Variants in KITLG observed in about 807,000 individuals in gnomAD.
KITLG encodes KIT ligand.
Under a neutral mutation model 34.1 loss-of-function variants are expected in KITLG, and 13 were observed. That is an observed-to-expected ratio of 0.38 (90% CI 0.25 to 0.61). KITLG has a LOEUF of 0.61. Ranked by LOEUF, KITLG falls within the 20% of genes least tolerant of loss-of-function variation. The pLI is 0.60. For missense variants in KITLG, 292 were observed against 318.9 expected (o/e 0.92, Z 0.64); for synonymous variants, 110 against 104.0 (o/e 1.06, Z -0.35).
chr12:88,542,120 G>A (rs181285894), intron 2 of KITLG, among the ~76,000 whole-genome samples: 41 of 152,058 alleles, frequency 2.7e-4, no homozygotes, highest in Admixed American at 2.6e-3. Flanking sequence ...TATTCCAAGA[G>A]GTGCAACCTG....
chr12:88,535,650 A>G (rs1359468969), intron 2 of KITLG, among the ~76,000 whole-genome samples: 1 of 152,196 alleles, frequency 6.6e-6, no homozygotes, highest in Non-Finnish European at 1.5e-5. Context: ...CAAGTTGTAG[A>G]TATTTGTGGT....
At chr12:88,517,952 A>G (rs1229754843) in intron 4 of KITLG, among the ~76,000 whole-genome samples, 4 of 152,140 alleles carry the variant, frequency 2.6e-5, no homozygotes, top group Non-Finnish European at 5.9e-5. Flanking sequence ...CTGTATACCA[A>G]ATCAGGTCTC....
At chr12:88,563,682 C>T (rs966660180) in intron 1 of KITLG, among the ~76,000 whole-genome samples, 7 of 152,124 alleles carry the variant, frequency 4.6e-5, no homozygotes, top group South Asian at 2.1e-4. Context: ...AAGATGTGGC[C>T]GGGCGCAGTG....
intron 9 of KITLG, among the ~76,000 whole-genome samples, chr12:88,503,132 A>T (rs1868928527): frequency 6.6e-6 from 1 of 152,220 alleles, no homozygotes. Flanking sequence ...GGACATGTTA[A>T]TCAAGAGTAT....
intron 2 of KITLG, among the ~76,000 whole-genome samples, chr12:88,540,482 G>C (rs1274554750): frequency 1.3e-5 from 2 of 152,058 alleles, no homozygotes; most frequent in East Asian, 3.9e-4. Flanking sequence ...TGGTGTCTGT[G>C]TACTCATAAC....
At chr12:88,557,960 C>T (rs1305927465) in intron 1 of KITLG, among the ~76,000 whole-genome samples, 1 of 152,160 alleles carries the variant, frequency 6.6e-6, no homozygotes, top group Admixed American at 6.5e-5. Flanking sequence ...AATTTATACT[C>T]TTTCAAATAC....
At chr12:88,552,353 T>G (rs1870948095) in intron 1 of KITLG, among the ~76,000 whole-genome samples, 1 of 151,240 alleles carries the variant, frequency 6.6e-6, no homozygotes, top group African/African-American at 2.4e-5. Context: ...TTCTTTTCTT[T>G]TTTTTTTTGT....
At chr12:88,531,541 ATAAT>A (rs993125484) in intron 3 of KITLG, among the ~76,000 whole-genome samples, 5 of 152,176 alleles carry the variant, frequency 3.3e-5, no homozygotes, top group Admixed American at 3.3e-4. Context: ...AATGAGAAAA[ATAAT>A]TAAAATTTCT....
chr12:88,519,186 T>G (rs1413584142), intron 3 of KITLG, among the ~76,000 whole-genome samples: 1 of 152,056 alleles, frequency 6.6e-6, no homozygotes, highest in Non-Finnish European at 1.5e-5. Flanking sequence ...AATATTACAT[T>G]ACTTAAAATG....
At position 88,503,780 on chromosome 12, in the gene KITLG, G is replaced by A. The variant is rs771583966; in HGVS notation, c.*37+1379C>T. ...CCTGTCTGCCATGCGTTTATGTTCCGTGCATCCTGGGCTCTGAACTATTAT... is the reference window on the plus strand; with the variant it reads ...CCTGTCTGCCATGCGTTTATGTTCCATGCATCCTGGGCTCTGAACTATTAT... On this transcript the variant is annotated intron_variant, in intron 9 of 9. Transcript: ENST00000644744. 2.2e-4 allele frequency among the ~76,000 whole-genome samples: 34 copies of A among 152,052 alleles called. No homozygotes were observed. The East Asian group carries it at 2.5e-3, about 11-fold the overall frequency.
At chr12:88,565,061 A>G (rs1871401472) in intron 1 of KITLG, among the ~76,000 whole-genome samples, 1 of 152,164 alleles carries the variant, frequency 6.6e-6, no homozygotes, top group South Asian at 2.1e-4. Context: ...CCTTAACCAT[A>G]TCTGTTTTAA....
intron 2 of KITLG, among the ~76,000 whole-genome samples, chr12:88,543,096 C>A (rs1199533623): frequency 6.6e-6 from 1 of 151,936 alleles, no homozygotes; most frequent in Non-Finnish European, 1.5e-5. Context: ...TTGGTGTAGT[C>A]CCAGGCACCT....
chr12:88,539,132 C>T (rs1870430380), intron 2 of KITLG, among the ~76,000 whole-genome samples: 1 of 152,140 alleles, frequency 6.6e-6, no homozygotes, highest in Non-Finnish European at 1.5e-5. Flanking sequence ...AACTTCCTCT[C>T]TAGATCACTG....
At chr12:88,555,882 T>G (rs1294869206) in intron 1 of KITLG, among the ~76,000 whole-genome samples, 2 of 152,158 alleles carry the variant, frequency 1.3e-5, no homozygotes, top group Non-Finnish European at 2.9e-5. Context: ...ATCACTGGCC[T>G]CAGGAAGCTC....
At chr12:88,574,772 T>C (rs1001165204) in intron 1 of KITLG, among the ~76,000 whole-genome samples, 4 of 152,236 alleles carry the variant, frequency 2.6e-5, no homozygotes, top group East Asian at 1.9e-4. Flanking sequence ...TTACCTTTTG[T>C]AAGCTTATCT....
intron 6 of KITLG, among the ~76,000 whole-genome samples, chr12:88,515,068 T>C (rs976510412): frequency 1.3e-5 from 2 of 151,846 alleles, no homozygotes; most frequent in Non-Finnish European, 3.0e-5. Context: ...TGCGCAATAG[T>C]AAATACTGAT....
intron 6 of KITLG, among the ~76,000 whole-genome samples, chr12:88,513,760 T>C (rs1250025168): frequency 1.3e-5 from 2 of 151,598 alleles, no homozygotes; most frequent in African/African-American, 4.8e-5. Flanking sequence ...AGCTTTAAAA[T>C]ATATGAAGCA....
At chr12:88,521,842 G>A (rs1462658416) in intron 3 of KITLG, among the ~76,000 whole-genome samples, 2 of 151,960 alleles carry the variant, frequency 1.3e-5, no homozygotes, top group Non-Finnish European at 2.9e-5. Flanking sequence ...ATGTTTTCTT[G>A]GTTAATTATA....
At chr12:88,574,659 A>G (rs1028001980) in intron 1 of KITLG, among the ~76,000 whole-genome samples, 1 of 152,136 alleles carries the variant, frequency 6.6e-6, no homozygotes, top group Non-Finnish European at 1.5e-5. Flanking sequence ...TTTCTACTAC[A>G]TCATCAGATC....
Sources: gnomAD v4.1 joint callset for allele counts (sites outside exome capture counted in the v4.1 genomes callset) on GRCh38, gnomAD v4.1.1 for gene constraint, MANE v1.5 for transcripts, NCBI Gene and HGNC (gene_info 2026-07-23, HGNC 2026-07-21) for gene names.